Variants in HS1BP3 observed in about 807,000 individuals in gnomAD.
HS1BP3 encodes HCLS1-binding protein 3.
HS1BP3 carries 32 observed loss-of-function variants against 33.5 expected under a neutral mutation model. That is an observed-to-expected ratio of 0.95 (90% CI 0.72 to 1.28). The LOEUF (loss-of-function observed/expected upper bound fraction) is 1.28, where lower values mean the gene tolerates loss of function less well. HS1BP3 is among the 50% of genes most tolerant of loss of function. The pLI, the probability that HS1BP3 is intolerant of heterozygous loss-of-function variation, is 0.00. For synonymous variants in HS1BP3, 187 were observed against 209.2 expected, an observed-to-expected ratio of 0.89 and a Z score of 0.92; for missense variants, 486 against 502.3, an observed-to-expected ratio of 0.97 and a Z score of 0.31.
At position 20,618,695 on chromosome 2, in the gene HS1BP3, T is replaced by G. The variant is rs2149289132; in HGVS notation, c.*292A>C. On this transcript the variant is annotated 3_prime_UTR_variant, in exon 7 of 7. Coordinates refer to ENST00000304031, the MANE Select transcript of HS1BP3 (RefSeq NM_022460.4). ...CTTGCTTCATCCTTGGGGCTGGGCT[T>G]CTGGTTGGCAAGGCATCCCCACACC... The G allele has an allele frequency of 4.1e-6, 5 of 1,210,890 alleles. No homozygotes were observed. The highest frequency in any genetic ancestry group is 4.1e-6 in the Non-Finnish European group (4 of 969,352). 75.0% of individuals were successfully genotyped at this position (1,210,890 alleles called of 1,614,324 possible).
intron 4 of HS1BP3, among the ~76,000 whole-genome samples, chr2:20,633,363 C>T (rs188765474): frequency 6.6e-6 from 1 of 152,346 alleles, no homozygotes; most frequent in African/African-American, 2.4e-5. Context: ...AATCCTACTT[C>T]AGCCTGTTTT....
intron 5 of HS1BP3, among the ~76,000 whole-genome samples, chr2:20,587,509 G>T (rs965766736): frequency 3.9e-5 from 6 of 152,174 alleles, no homozygotes; most frequent in African/African-American, 1.4e-4. Flanking sequence ...CCTGGCGAAA[G>T]GTTGACGGGG....
intron 4 of HS1BP3, among the ~76,000 whole-genome samples, chr2:20,631,581 C>T (rs959111762): frequency 1.5e-5 from 2 of 137,098 alleles, no homozygotes; most frequent in South Asian, 2.4e-4. Flanking sequence ...TCACCATGAA[C>T]GTTTATCATT....
chr2:20,614,591 G>T (rs1056331702), downstream of HS1BP3, among the ~76,000 whole-genome samples: 2 of 152,244 alleles, frequency 1.3e-5, no homozygotes, highest in Non-Finnish European at 2.9e-5. Context: ...GCCTGGAACA[G>T]GTACTGCACA....
At chr2:20,564,096 G>T (rs577490827) in intron 5 of HS1BP3, among the ~76,000 whole-genome samples, 25 of 152,350 alleles carry the variant, frequency 1.6e-4, no homozygotes, top group African/African-American at 4.8e-4. Flanking sequence ...GGGAACTGTT[G>T]CTCAGCCCCT....
At chr2:20,636,286 CCACACACACAGCTCTGGAA>C (rs1695127715) in intron 4 of HS1BP3, 1 of 152,222 alleles carries the variant, frequency 6.6e-6, no homozygotes, top group Admixed American at 6.5e-5. Context: ...TACGGCTCTG[CCACACACACAGCTCTGGAA>C]CACACACGGC....
At chr2:20,628,161 C>T (rs1221634464) in intron 4 of HS1BP3, among the ~76,000 whole-genome samples, 1 of 152,128 alleles carries the variant, frequency 6.6e-6, no homozygotes, top group African/African-American at 2.4e-5. Flanking sequence ...TTCCTTCCCT[C>T]GTGGGCACCT....
intron 2 of HS1BP3, among the ~76,000 whole-genome samples, chr2:20,601,443 C>T (rs1694066442): frequency 6.6e-6 from 1 of 152,142 alleles, no homozygotes; most frequent in African/African-American, 2.4e-5. Context: ...GGTTTGATAT[C>T]GTTTGGCTGT....
At chr2:20,585,067 C>T (rs927065910) in intron 5 of HS1BP3, among the ~76,000 whole-genome samples, 1 of 152,194 alleles carries the variant, frequency 6.6e-6, no homozygotes. Context: ...CTCCTCCCAC[C>T]AAGGACAACC....
intron 4 of HS1BP3, among the ~76,000 whole-genome samples, chr2:20,630,687 G>C (rs1207256333): frequency 6.6e-6 from 1 of 152,206 alleles, no homozygotes; most frequent in Non-Finnish European, 1.5e-5. Context: ...AATCACAAGA[G>C]TGAGAATCAC....
chr2:20,564,175 C>T (rs1335255515), intron 5 of HS1BP3, among the ~76,000 whole-genome samples: 1 of 152,216 alleles, frequency 6.6e-6, no homozygotes, highest in Non-Finnish European at 1.5e-5. Context: ...CTGCTGTCCT[C>T]TTCCTCAGGC....
chr2:20,618,720 C>G lies in HS1BP3; in HGVS notation c.*267G>C. On this transcript the variant is annotated 3_prime_UTR_variant, in exon 7 of 7. Coordinates refer to ENST00000304031, the MANE Select transcript of HS1BP3 (RefSeq NM_022460.4). ...TCTGGTTGGCAAGGCATCCCCACAC[C>G]CTCCCTCCCCTTCATGTCCACGGGG... 1 of 1,274,118 alleles carries G rather than the reference C, an allele frequency of 7.8e-7. No individual in the cohort carries two copies. Among genetic ancestry groups the G allele is most frequent in the Non-Finnish European group, 9.9e-7 (1 of 1,008,728 alleles). The allele number at this position is 1,274,118 out of a possible 1,614,324, so 78.9% of individuals were successfully genotyped here. A position where few individuals can be genotyped will look rare whatever the true frequency, so the allele number is the denominator to read the frequency against.
At chr2:20,563,314 AG>A (rs1463065130) in intron 5 of HS1BP3, among the ~76,000 whole-genome samples, 1 of 152,248 alleles carries the variant, frequency 6.6e-6, no homozygotes, top group Admixed American at 6.5e-5. Context: ...CAGAGAGGGA[AG>A]GGCCACAGGC....
the HS1BP3 span, among the ~76,000 whole-genome samples, chr2:20,554,954 C>G: frequency 1.3e-5 from 2 of 152,224 alleles, no homozygotes; most frequent in African/African-American, 4.8e-5. Flanking sequence ...ACCTTTCCAG[C>G]TCCTCCTGGC....
At chr2:20,638,733 A>G (rs1695247799) in intron 3 of HS1BP3, 81 bp from the exon 4 acceptor site, 1 of 1,125,148 alleles carries the variant, frequency 8.9e-7, no homozygotes, top group Non-Finnish European at 1.3e-6. Flanking sequence ...GCACCCTCCC[A>G]TGCCAGGATC....
intron 1 of HS1BP3, among the ~76,000 whole-genome samples, chr2:20,648,383 C>A (rs1695581859): frequency 6.6e-6 from 1 of 152,206 alleles, no homozygotes; most frequent in South Asian, 2.1e-4. Flanking sequence ...ACGCCCAGGT[C>A]ATCTGCGACC....
At chr2:20,620,169 C>T (rs1041217058) in intron 6 of HS1BP3, among the ~76,000 whole-genome samples, 5 of 152,364 alleles carry the variant, frequency 3.3e-5, no homozygotes, top group Non-Finnish European at 7.3e-5. Flanking sequence ...GCTGAACACC[C>T]GTGATGGCCA....
chr2:20,558,563 G>A (rs1299467046), downstream of HS1BP3, among the ~76,000 whole-genome samples: 1 of 152,192 alleles, frequency 6.6e-6, no homozygotes, highest in Admixed American at 6.5e-5. Context: ...CGGACGGAGG[G>A]GATGTGTCAG....
At chr2:20,620,026 C>T (rs62125677) in intron 6 of HS1BP3, among the ~76,000 whole-genome samples, 7,940 of 152,256 alleles carry the variant, frequency 0.052, 226 homozygotes, top group African/African-American at 0.064. Flanking sequence ...GGCAGTGTTA[C>T]GGTCACTCAG....
Sources: gnomAD v4.1 joint callset for allele counts (sites outside exome capture counted in the v4.1 genomes callset) on GRCh38, gnomAD v4.1.1 for gene constraint, MANE v1.5 for transcripts, NCBI Gene and HGNC (gene_info 2026-07-23, HGNC 2026-07-21) for gene names.